Variants in ADGRL3 observed in about 807,000 individuals in gnomAD.
The protein encoded by ADGRL3 is calcium-independent alpha-latrotoxin receptor 3.
ADGRL3 carries 62 observed loss-of-function variants against 153.5 expected under a neutral mutation model. The observed-to-expected ratio is 0.40, with a 90% CI of 0.33 to 0.50. The LOEUF is 0.50. Among genes scored for constraint, ADGRL3 ranks in the 20% least tolerant of loss-of-function variants. The probability of loss-of-function intolerance (pLI) is 0.47; values close to 1 mark genes in which losing one functional copy is unlikely to be tolerated. For missense variants in ADGRL3, 1,641 were observed against 1,859.4 expected (o/e 0.88, Z 2.16); for synonymous variants, 710 against 672.5 (o/e 1.06, Z -0.86).
At chr4:61,297,772 G>T (rs1188520473) in intron 1 of ADGRL3, among the ~76,000 whole-genome samples, 1 of 151,168 alleles carries the variant, frequency 6.6e-6, no homozygotes, top group Non-Finnish European at 1.5e-5. Flanking sequence ...CCTCTGGAAT[G>T]TTACTTAGTA....
chr4:61,373,335 T>A (rs1343866442), intron 1 of ADGRL3, among the ~76,000 whole-genome samples: 1 of 152,194 alleles, frequency 6.6e-6, no homozygotes, highest in African/African-American at 2.4e-5. Context: ...TTCTTAAAAT[T>A]GTAATAAGCA....
At chr4:61,370,254 T>C (rs1407443695) in intron 1 of ADGRL3, among the ~76,000 whole-genome samples, 1 of 148,542 alleles carries the variant, frequency 6.7e-6, no homozygotes, top group African/African-American at 2.5e-5. Flanking sequence ...ATTTTAGTTA[T>C]TTCTTGCCTT....
intron 6 of ADGRL3, among the ~76,000 whole-genome samples, chr4:61,679,939 T>C (rs2095297057): frequency 6.6e-6 from 1 of 152,074 alleles, no homozygotes; most frequent in Non-Finnish European, 1.5e-5. Context: ...CAAGTCGTTT[T>C]TCTTAGTCCT....
At chr4:61,776,222 C>G (rs2097149115) in intron 8 of ADGRL3, among the ~76,000 whole-genome samples, 3 of 152,100 alleles carry the variant, frequency 2.0e-5, no homozygotes, top group Admixed American at 6.5e-5. Context: ...CTTAAACGCA[C>G]CCAAGCCTCC....
intron 17 of ADGRL3, among the ~76,000 whole-genome samples, chr4:61,972,888 A>G (rs2099034211): frequency 6.6e-6 from 1 of 152,074 alleles, no homozygotes; most frequent in African/African-American, 2.4e-5. Flanking sequence ...ATAATGCATT[A>G]TTGTGCAAAA....
At chr4:61,674,715 A>G (rs1464060357) in intron 5 of ADGRL3, among the ~76,000 whole-genome samples, 2 of 151,888 alleles carry the variant, frequency 1.3e-5, no homozygotes, top group African/African-American at 2.4e-5. Flanking sequence ...TGTATTAAAA[A>G]CTTGACATGG....
intron 12 of ADGRL3, 107 bp downstream of exon 12, chr4:61,909,852 C>T: frequency 1.3e-6 from 1 of 769,858 alleles, no homozygotes; most frequent in South Asian, 2.3e-5. Context: ...AATTTTCCTC[C>T]TTCTACAGAA....
At chr4:61,762,587 G>T (rs184010410) in intron 8 of ADGRL3, among the ~76,000 whole-genome samples, 2 of 152,186 alleles carry the variant, frequency 1.3e-5, no homozygotes, top group African/African-American at 2.4e-5. Context: ...GACAATAAAA[G>T]ATTTCAAAGG....
At chr4:61,662,863 T>G in intron 5 of ADGRL3, among the ~76,000 whole-genome samples, 1 of 152,184 alleles carries the variant, frequency 6.6e-6, no homozygotes, top group East Asian at 1.9e-4. Context: ...TGCTACCCAC[T>G]GTGGGTCTCC....
In ADGRL3 at chr4:61,946,911, T is replaced by G; in HGVS notation, c.2420-3T>G. The G allele has an allele frequency of 6.2e-7, 1 of 1,611,618 alleles. No homozygotes were observed. The highest frequency in any genetic ancestry group is 8.5e-7 in the Non-Finnish European group (1 of 1,177,728). On this transcript the variant is annotated splice_polypyrimidine_tract_variant and splice_region_variant and intron_variant, in intron 15 of 26. Coordinates refer to ENST00000683033, the MANE Select transcript of ADGRL3 (RefSeq NM_001387552.1). The stretch of plus-strand genomic sequence containing the variant: ...AACTAATCAGAGTTTGCATTTACTT[T>G]AGGAGAGATCAGAGTGGCCTTTGTC...
chr4:61,774,938 G>T lies in ADGRL3; in HGVS notation c.1400-38871G>T, dbSNP rs2097130538. The stretch of plus-strand genomic sequence containing the variant: ...TGTAGTTAGTAAGGTTTATTATGTG[G>T]ATTCTTCTGGTGCCGTCTCCAGGCT... On this transcript the variant is annotated intron_variant, in intron 8 of 26. Coordinates refer to ENST00000683033, the MANE Select transcript of ADGRL3 (RefSeq NM_001387552.1). 2.0e-5 allele frequency among the ~76,000 whole-genome samples: 3 copies of T among 152,134 alleles called. No homozygotes were observed. In the South Asian group the frequency reaches 6.2e-4, roughly 32 times the overall value.
chr4:61,781,253 G>A (rs945181758), intron 8 of ADGRL3, among the ~76,000 whole-genome samples: 1 of 149,534 alleles, frequency 6.7e-6, no homozygotes, highest in African/African-American at 2.5e-5. Flanking sequence ...TTGAACCGGG[G>A]AAGCAGAGGT....
intron 9 of ADGRL3, among the ~76,000 whole-genome samples, chr4:61,862,809 G>A (rs1000601570): frequency 4.6e-5 from 7 of 152,198 alleles, no homozygotes; most frequent in South Asian, 2.1e-4. Context: ...TGATGCTTGC[G>A]AAAGTTTGAG....
chr4:61,980,440 T>C (rs1409663354), intron 18 of ADGRL3, among the ~76,000 whole-genome samples: 1 of 151,676 alleles, frequency 6.6e-6, no homozygotes, highest in Non-Finnish European at 1.5e-5. Context: ...TTCTTTGTTT[T>C]TCTTTCTTTT....
In ADGRL3 at chr4:61,215,983, A is replaced by G. The variant is rs568997490; in HGVS notation, c.-240+14218A>G. Among the ~76,000 whole-genome samples the G allele has an allele frequency of 3.9e-5, 6 of 152,186 alleles. No individual in the cohort carries two copies. The South Asian group carries it at 1.0e-3, about 26-fold the overall frequency. Reference sequence around the variant, plus strand: ...ATTTCATCTGTAAGTAGAAGATAGGATGGTGGGTGGTCCTTTTTCCCTAAA... The same window carrying G: ...ATTTCATCTGTAAGTAGAAGATAGGGTGGTGGGTGGTCCTTTTTCCCTAAA... On this transcript the variant is annotated intron_variant, in intron 1 of 26. Transcript: ENST00000683033.
chr4:62,017,853 A>G (rs986523797), intron 21 of ADGRL3, among the ~76,000 whole-genome samples: 7 of 152,074 alleles, frequency 4.6e-5, no homozygotes, highest in African/African-American at 1.7e-4. Context: ...TAATGTGGAC[A>G]TACCAAAAGT....
At chr4:61,844,575 A>AAAAAAAAAATAT (rs1554045137) in intron 9 of ADGRL3, among the ~76,000 whole-genome samples, 3 of 18,108 alleles carry the variant, frequency 1.7e-4, no homozygotes, top group African/African-American at 2.6e-4. Context: ...AAAAAAAAAA[A>AAAAAAAAAATAT]ATATATATAT....
intron 1 of ADGRL3, among the ~76,000 whole-genome samples, chr4:61,255,766 C>T (rs1344323616): frequency 5.3e-5 from 8 of 152,134 alleles, no homozygotes; most frequent in South Asian, 4.1e-4. Context: ...CTGTCTGCCT[C>T]TCATTATTTC....
intron 8 of ADGRL3, among the ~76,000 whole-genome samples, chr4:61,780,112 T>C (rs2097197617): frequency 6.6e-6 from 1 of 152,238 alleles, no homozygotes; most frequent in Admixed American, 6.5e-5. Context: ...GCAATATATA[T>C]ATACTACCTT....
Sources: gnomAD v4.1 joint callset for allele counts (sites outside exome capture counted in the v4.1 genomes callset) on GRCh38, gnomAD v4.1.1 for gene constraint, MANE v1.5 for transcripts, NCBI Gene and HGNC (gene_info 2026-07-23, HGNC 2026-07-21) for gene names.